Variants in ADCY2 observed in about 807,000 individuals in gnomAD.
The protein encoded by ADCY2 is adenylate cyclase type 2.
In ADCY2, 31 loss-of-function variants were observed where a neutral mutation model predicts 125.2. That is an observed-to-expected ratio of 0.25 (90% CI 0.19 to 0.33). The LOEUF is 0.33. Ranked by LOEUF, ADCY2 falls within the 10% of genes least tolerant of loss-of-function variation. ADCY2 has a pLI of 1.00. For missense variants in ADCY2, 904 were observed against 1,418.2 expected (o/e 0.64, Z 5.82); for synonymous variants, 512 against 548.4 (o/e 0.93, Z 0.93).
chr5:7,665,423 C>A (rs1739679968), intron 4 of ADCY2, among the ~76,000 whole-genome samples: 1 of 152,138 alleles, frequency 6.6e-6, no homozygotes, highest in Non-Finnish European at 1.5e-5. Flanking sequence ...AACACGCACC[C>A]CACTCTTGCA....
chr5:7,581,522 G>A (rs1242447699), intron 3 of ADCY2, among the ~76,000 whole-genome samples: 3 of 151,702 alleles, frequency 2.0e-5, no homozygotes, highest in Non-Finnish European at 4.4e-5. Context: ...GAAGGAAAAA[G>A]TAGAGAAAGA....
chr5:7,553,884 C>T (rs903666551), intron 3 of ADCY2, among the ~76,000 whole-genome samples: 1 of 152,136 alleles, frequency 6.6e-6, no homozygotes, highest in African/African-American at 2.4e-5. Flanking sequence ...CGAGAGCAAC[C>T]TCTATTTCCT....
intron 2 of ADCY2, among the ~76,000 whole-genome samples, chr5:7,455,807 A>G (rs2126428828): frequency 6.9e-6 from 1 of 145,434 alleles, no homozygotes; most frequent in Admixed American, 7.0e-5. Context: ...TCTTATTATT[A>G]TAATATATTT....
Position 7,612,823 on chromosome 5 carries a change from T to C in ADCY2, c.571-13344T>C, listed in dbSNP as rs537558789. Reference sequence around the variant, plus strand: ...CAAGGTCAGGAGATCGAGACCATCATGGCTAACACGGTGAAACCCCGTCTC... The same window carrying C: ...CAAGGTCAGGAGATCGAGACCATCACGGCTAACACGGTGAAACCCCGTCTC... On this transcript the variant is annotated intron_variant, in intron 3 of 24. Coordinates refer to ENST00000338316, the MANE Select transcript of ADCY2 (RefSeq NM_020546.3). 2.0e-3 allele frequency among the ~76,000 whole-genome samples: 306 copies of C among 152,216 alleles called. 1 individual carries two copies. The highest frequency in any genetic ancestry group is 3.4e-3 in the Admixed American group (52 of 15,280).
intron 2 of ADCY2, among the ~76,000 whole-genome samples, chr5:7,419,948 G>A (rs1380426417): frequency 6.6e-6 from 1 of 152,168 alleles, no homozygotes. Flanking sequence ...GTGCAGAGAC[G>A]AAGGCACAGG....
intron 4 of ADCY2, among the ~76,000 whole-genome samples, chr5:7,627,702 A>T (rs1738180777): frequency 6.6e-6 from 1 of 152,178 alleles, no homozygotes; most frequent in Non-Finnish European, 1.5e-5. Context: ...ATATCCTTTA[A>T]ATTTTGGCAC....
At chr5:7,487,156 T>C (rs538576504) in intron 2 of ADCY2, among the ~76,000 whole-genome samples, 1 of 152,362 alleles carries the variant, frequency 6.6e-6, no homozygotes, top group African/African-American at 2.4e-5. Context: ...TGGTCCTTGA[T>C]ATGAGACAGC....
At chr5:7,785,987 T>C (rs1366487824) in intron 19 of ADCY2, among the ~76,000 whole-genome samples, 1 of 152,216 alleles carries the variant, frequency 6.6e-6, no homozygotes. Flanking sequence ...AATATTATGA[T>C]TGAGCACCAA....
intron 16 of ADCY2, among the ~76,000 whole-genome samples, chr5:7,763,610 G>A (rs1308460634): frequency 6.6e-6 from 1 of 152,010 alleles, no homozygotes; most frequent in African/African-American, 2.4e-5. Context: ...TCACCATTGT[G>A]CTGCTTCCTA....
intron 14 of ADCY2, among the ~76,000 whole-genome samples, chr5:7,728,906 T>G (rs1244439029): frequency 6.6e-6 from 1 of 152,172 alleles, no homozygotes; most frequent in African/African-American, 2.4e-5. Context: ...GAAAAACGTT[T>G]CATGGGATTT....
At chr5:7,457,010 AT>A (rs1382390732) in intron 2 of ADCY2, among the ~76,000 whole-genome samples, 1 of 152,182 alleles carries the variant, frequency 6.6e-6, no homozygotes, top group Non-Finnish European at 1.5e-5. Context: ...GGAAATGCAA[AT>A]TCTCAGGCTC....
At chr5:7,535,458 A>G (rs1160392800) in intron 3 of ADCY2, among the ~76,000 whole-genome samples, 1 of 152,230 alleles carries the variant, frequency 6.6e-6, no homozygotes, top group East Asian at 1.9e-4. Flanking sequence ...TGTCTTCAGA[A>G]TCTCCAAACC....
At chr5:7,770,608 C>T (rs1469725053) in intron 17 of ADCY2, among the ~76,000 whole-genome samples, 1 of 152,158 alleles carries the variant, frequency 6.6e-6, no homozygotes, top group Admixed American at 6.5e-5. Flanking sequence ...GTGTTATCAT[C>T]ATCTTTACTT....
At chr5:7,614,233 A>G (rs939616965) in intron 3 of ADCY2, among the ~76,000 whole-genome samples, 8 of 152,128 alleles carry the variant, frequency 5.3e-5, no homozygotes, top group African/African-American at 1.9e-4. Flanking sequence ...ATGTTGAAAT[A>G]TCTCACATCC....
chr5:7,449,455 T>C (rs1488426786), intron 2 of ADCY2, among the ~76,000 whole-genome samples: 3 of 152,188 alleles, frequency 2.0e-5, no homozygotes, highest in Non-Finnish European at 4.4e-5. Flanking sequence ...TATGCAGAAC[T>C]CTATCAGCCT....
chr5:7,704,426 G>T (rs1741193927), intron 7 of ADCY2, among the ~76,000 whole-genome samples: 1 of 152,164 alleles, frequency 6.6e-6, no homozygotes, highest in South Asian at 2.1e-4. Context: ...CCATGAACAT[G>T]TAAATTATTT....
At chr5:7,436,182 G>A (rs529747469) in intron 2 of ADCY2, among the ~76,000 whole-genome samples, 4 of 152,250 alleles carry the variant, frequency 2.6e-5, no homozygotes, top group Admixed American at 6.5e-5. Flanking sequence ...ATTTGTTGAC[G>A]AAAATATTGT....
At chr5:7,671,790 T>C (rs1739943170) in intron 4 of ADCY2, among the ~76,000 whole-genome samples, 1 of 152,200 alleles carries the variant, frequency 6.6e-6, no homozygotes, top group Non-Finnish European at 1.5e-5. Flanking sequence ...TAGACTTTTT[T>C]TTTTTGGCTT....
Position 7,426,686 on chromosome 5 carries a change from C to T in ADCY2, c.408+11916C>T, listed in dbSNP as rs143980590. ...GTTTGTAATCATTTCCGGATCTTAG[C>T]TTCAGCACCATAAGCATGCAGATGT... On this transcript the variant is annotated intron_variant, in intron 2 of 24. Transcript: ENST00000338316. Among the ~76,000 whole-genome samples, 812 of 152,286 alleles carry T rather than the reference C, an allele frequency of 5.3e-3. 2 individuals are homozygous for T. Among genetic ancestry groups the T allele is most frequent in the Non-Finnish European group, 8.7e-3 (593 of 68,020 alleles).
Sources: gnomAD v4.1 joint callset for allele counts (sites outside exome capture counted in the v4.1 genomes callset) on GRCh38, gnomAD v4.1.1 for gene constraint, MANE v1.5 for transcripts, NCBI Gene and HGNC (gene_info 2026-07-23, HGNC 2026-07-21) for gene names.